KLF8: variants seen among roughly 807,000 people sequenced by gnomAD.
KLF8 encodes KLF transcription factor 8, also known as Krueppel-like factor 8.
In KLF8, 10 loss-of-function variants were observed where a neutral mutation model predicts 18.2. That is an observed-to-expected ratio of 0.55 (90% confidence interval 0.34 to 0.93). The LOEUF is 0.93. KLF8 is among the 40% of genes least tolerant of loss of function. The pLI, the probability that KLF8 is intolerant of heterozygous loss-of-function variation, is 0.02. For missense variants in KLF8, 264 were observed against 277.9 expected, an observed-to-expected ratio of 0.95 and a Z score of 0.36; for synonymous variants, 109 against 97.3, an observed-to-expected ratio of 1.12 and a Z score of -0.71.
the KLF8 span, among the ~76,000 whole-genome samples, chrX:55,992,722 A>G: frequency 8.9e-6 from 1 of 112,115 alleles, no homozygotes; most frequent in African/African-American, 3.2e-5. Flanking sequence ...GATTCTTTCT[A>G]TCTATGATAA....
At chrX:55,963,878 A>G in the KLF8 span, among the ~76,000 whole-genome samples, 7 of 111,989 alleles carry the variant, frequency 6.3e-5, no homozygotes, top group African/African-American at 1.6e-4. Context: ...CCATAAGGCA[A>G]TTCTCAACAA....
At chrX:56,074,768 G>A in the KLF8 span, 1 of 125,420 alleles carries the variant, frequency 8.0e-6, no homozygotes, top group African/African-American at 3.2e-5. Context: ...GGCTATGTAA[G>A]GCCACTTTCA....
At chrX:55,985,516 T>C in the KLF8 span, among the ~76,000 whole-genome samples, 3 of 111,969 alleles carry the variant, frequency 2.7e-5, no homozygotes, top group Admixed American at 2.8e-4. Flanking sequence ...CCATGCTGTT[T>C]GGTTACTGCA....
chrX:56,016,126 G>T, the KLF8 span, among the ~76,000 whole-genome samples: 4 of 111,615 alleles, frequency 3.6e-5, no homozygotes, highest in East Asian at 8.5e-4. Context: ...TGGAACTTGG[G>T]TTCACATCTT....
At chrX:56,189,157 T>C in the KLF8 span, among the ~76,000 whole-genome samples, 1 of 110,626 alleles carries the variant, frequency 9.0e-6, no homozygotes, top group Non-Finnish European at 1.9e-5. Flanking sequence ...CTACAAGAAC[T>C]CCAATAAATT....
the KLF8 span, among the ~76,000 whole-genome samples, chrX:55,941,183 T>A: frequency 9.0e-6 from 1 of 111,610 alleles, no homozygotes. Flanking sequence ...TATAAACCAA[T>A]GTAACAGAAC....
chrX:56,176,293 GC>G, the KLF8 span, among the ~76,000 whole-genome samples: 2 of 111,670 alleles, frequency 1.8e-5, no homozygotes, highest in Admixed American at 1.9e-4. Context: ...TTTAGGGCAG[GC>G]CCGGTGGTGA....
chrX:55,933,392 T>A, the KLF8 span, among the ~76,000 whole-genome samples: 821 of 111,940 alleles, frequency 7.3e-3, 7 homozygotes, highest in African/African-American at 0.024. Context: ...GGCAATGTTA[T>A]GAAAGCTTCT....
the KLF8 span, among the ~76,000 whole-genome samples, chrX:56,194,681 G>A: frequency 1.8e-5 from 2 of 112,530 alleles, no homozygotes; most frequent in African/African-American, 6.5e-5. Flanking sequence ...AAATGGCCCT[G>A]TCTGGCAGCT....
intron 1 of KLF8, among the ~76,000 whole-genome samples, chrX:56,247,843 G>T (rs1395317715): frequency 2.7e-5 from 3 of 111,303 alleles, no homozygotes; most frequent in Non-Finnish European, 5.7e-5. Flanking sequence ...TTTTTAGTAA[G>T]TAGAAGGAGT....
chrX:55,910,810 T>G, the KLF8 span, among the ~76,000 whole-genome samples: 3 of 112,548 alleles, frequency 2.7e-5, no homozygotes, highest in African/African-American at 9.7e-5. Context: ...AAGAAAAACT[T>G]AGTAAACTTA....
chrX:56,031,661 A>G, the KLF8 span, among the ~76,000 whole-genome samples: 3 of 111,731 alleles, frequency 2.7e-5, no homozygotes, highest in African/African-American at 9.8e-5. Context: ...AAGCTGCCTA[A>G]GGGGCTGCCT....
the KLF8 span, among the ~76,000 whole-genome samples, chrX:56,174,701 T>C: frequency 9.0e-6 from 1 of 111,560 alleles, no homozygotes; most frequent in African/African-American, 3.3e-5. Context: ...CTGTGGTAGA[T>C]TTCGGCTGTG....
At chrX:56,049,711 T>C in the KLF8 span, among the ~76,000 whole-genome samples, 2 of 108,378 alleles carry the variant, frequency 1.8e-5, no homozygotes, top group African/African-American at 6.8e-5. Context: ...TCATCAAGGA[T>C]ATTGGTCTAA....
the KLF8 span, among the ~76,000 whole-genome samples, chrX:56,156,919 A>G: frequency 9.1e-6 from 1 of 109,319 alleles, no homozygotes; most frequent in African/African-American, 3.3e-5. Context: ...GAGGATCTAT[A>G]AAGACACATG....
At chrX:56,264,872 T>C (rs891759132) in intron 2 of KLF8, among the ~76,000 whole-genome samples, 2 of 112,378 alleles carry the variant, frequency 1.8e-5, no homozygotes, top group African/African-American at 6.5e-5. Flanking sequence ...GGCTGTACTT[T>C]ATTGATGTGT....
the KLF8 span, among the ~76,000 whole-genome samples, chrX:56,039,958 T>C: frequency 2.7e-5 from 3 of 111,619 alleles, no homozygotes; most frequent in African/African-American, 9.8e-5. Context: ...GTTAGCTCTA[T>C]TCCTAGGCAT....
chrX:56,093,385 A>G, the KLF8 span, among the ~76,000 whole-genome samples: 2 of 111,381 alleles, frequency 1.8e-5, no homozygotes, highest in African/African-American at 6.5e-5. Context: ...CATGCAAACA[A>G]CAAGAGAGTG....
chrX:56,200,853 G>T, the KLF8 span, among the ~76,000 whole-genome samples: 6 of 111,380 alleles, frequency 5.4e-5, no homozygotes, highest in Admixed American at 1.9e-4. Flanking sequence ...TAGTCAAAAG[G>T]TATATGAAAG....
Sources: allele counts gnomAD v4.1 joint callset (sites outside exome capture counted in the v4.1 genomes callset), GRCh38; gene constraint gnomAD v4.1.1; transcripts MANE v1.5; gene names NCBI Gene and HGNC (gene_info 2026-07-23, HGNC 2026-07-21).